Variants in PLXNA2 observed in about 807,000 individuals in gnomAD.
PLXNA2 encodes plexin A2.
In PLXNA2, 91 loss-of-function variants were observed where a neutral mutation model predicts 193.5. The observed-to-expected ratio is 0.47, with a 90% CI of 0.40 to 0.56. The LOEUF (loss-of-function observed/expected upper bound fraction) is 0.56. Ranked by LOEUF, PLXNA2 falls within the 20% of genes least tolerant of loss-of-function variation. The pLI, the probability that PLXNA2 is intolerant of heterozygous loss-of-function variation, is 0.00. For synonymous variants in PLXNA2, 997 were observed against 1,027.3 expected (o/e 0.97, Z 0.56); for missense variants, 1,995 against 2,503.2 (o/e 0.80, Z 4.33).
chr1:208,084,676 C>T (rs1558183868), intron 9 of PLXNA2, 96 bp from the exon 10 acceptor site: 1 of 1,172,934 alleles, frequency 8.5e-7, no homozygotes, highest in Non-Finnish European at 1.2e-6. Context: ...GTGAGCTGCC[C>T]AAGAGCAGGA....
intron 4 of PLXNA2, among the ~76,000 whole-genome samples, chr1:208,126,374 T>TG (rs1207498394): frequency 6.6e-6 from 1 of 152,158 alleles, no homozygotes. Context: ...TTAGCTTGCC[T>TG]GGGGGAATCA....
chr1:208,143,416 G>T (rs965618585), intron 3 of PLXNA2, among the ~76,000 whole-genome samples: 1 of 152,206 alleles, frequency 6.6e-6, no homozygotes, highest in African/African-American at 2.4e-5. Flanking sequence ...TTCCCCAGCT[G>T]ATGCTGATGC....
intron 1 of PLXNA2, among the ~76,000 whole-genome samples, chr1:208,220,664 A>C (rs1354111696): frequency 6.7e-6 from 1 of 150,158 alleles, no homozygotes; most frequent in African/African-American, 2.5e-5. Context: ...CACTGCTCTC[A>C]ATCTCCTGAC....
At chr1:208,212,710 A>C (rs1671002087) in intron 2 of PLXNA2, among the ~76,000 whole-genome samples, 1 of 152,264 alleles carries the variant, frequency 6.6e-6, no homozygotes, top group East Asian at 1.9e-4. Flanking sequence ...CCAGCACACC[A>C]CTGGAGCCAA....
chr1:208,083,505 T>G (rs984349245), intron 10 of PLXNA2, among the ~76,000 whole-genome samples: 2 of 152,046 alleles, frequency 1.3e-5, no homozygotes, highest in African/African-American at 4.8e-5. Context: ...GCCTTCCCCT[T>G]GCGCTTGGCG....
At chr1:208,109,145 G>A (rs922592758) in intron 4 of PLXNA2, among the ~76,000 whole-genome samples, 1 of 152,220 alleles carries the variant, frequency 6.6e-6, no homozygotes, top group African/African-American at 2.4e-5. Flanking sequence ...AGGTGGCAGG[G>A]GTGGGAGGTG....
At position 208,140,021 on chromosome 1, in the gene PLXNA2, C is replaced by T. The variant is rs1668416657; in HGVS notation, c.1506+2308G>A. 3.3e-5 allele frequency among the ~76,000 whole-genome samples: 5 copies of T among 152,184 alleles called. No individual in the cohort carries two copies. The South Asian group carries it at 1.0e-3, about 32-fold the overall frequency. ...TCCCCCTACTAATATTTCACTTGAC[C>T]AGAGGCAGCCCATGGCATGAAACCC... is the stretch of plus-strand genomic sequence containing the variant. On this transcript the variant is annotated intron_variant, in intron 4 of 31. Transcript: ENST00000367033.
chr1:208,199,662 G>C (rs535995994), intron 3 of PLXNA2, among the ~76,000 whole-genome samples: 7 of 150,070 alleles, frequency 4.7e-5, no homozygotes, highest in African/African-American at 1.7e-4. Flanking sequence ...CTGCACTCCA[G>C]CCTGGTGACA....
chr1:208,033,474 G>C lies in PLXNA2; in HGVS notation c.4900C>G (p.Leu1634Val). ...SFRYTGSPDS[L>V]RSRAPMITPD... ...GTGATCATCGGGGCCCGGGACCGCA[G>C]GCTGTCGGGGCTGCCCGTATACCTG... The change falls in exon 28 of 32, where the codon CTG becomes GTG. Residue 1634 changes from leucine (L) to valine (V), a missense_variant. Physicochemically the swap from Leu to Val is conservative, Grantham distance 32. Coordinates refer to ENST00000367033, the MANE Select transcript of PLXNA2 (RefSeq NM_025179.4). 1 of 1,612,936 alleles carries C rather than the reference G, an allele frequency of 6.2e-7. No individual in the cohort carries two copies. The highest frequency in any genetic ancestry group is 1.7e-4 in the Middle Eastern group (1 of 5,812).
At chr1:208,209,056 C>T (rs190437270) in intron 3 of PLXNA2, among the ~76,000 whole-genome samples, 25 of 152,208 alleles carry the variant, frequency 1.6e-4, no homozygotes, top group African/African-American at 5.5e-4. Flanking sequence ...TTCCATGTGC[C>T]GAAAAGCCAA....
intron 3 of PLXNA2, among the ~76,000 whole-genome samples, chr1:208,177,632 G>A (rs1157488155): frequency 6.6e-6 from 1 of 152,216 alleles, no homozygotes; most frequent in Non-Finnish European, 1.5e-5. Flanking sequence ...GTATAATCTG[G>A]TCTAGAGGTG....
intron 3 of PLXNA2, among the ~76,000 whole-genome samples, chr1:208,164,387 A>G (rs899919835): frequency 1.3e-5 from 2 of 152,222 alleles, no homozygotes; most frequent in Non-Finnish European, 2.9e-5. Context: ...TTTGCTCCGC[A>G]TGCCCTAATG....
At chr1:208,107,466 A>G (rs1172793299) in intron 4 of PLXNA2, among the ~76,000 whole-genome samples, 2 of 152,100 alleles carry the variant, frequency 1.3e-5, no homozygotes, top group Non-Finnish European at 2.9e-5. Context: ...GGTTCTAATC[A>G]TTCTGCATCT....
intron 1 of PLXNA2, among the ~76,000 whole-genome samples, chr1:208,228,697 C>T (rs1411886036): frequency 2.0e-5 from 3 of 152,324 alleles, no homozygotes; most frequent in Non-Finnish European, 2.9e-5. Flanking sequence ...TTCTGTCTTT[C>T]TCTAACCTCA....
intron 4 of PLXNA2, among the ~76,000 whole-genome samples, chr1:208,105,671 T>TAAG (rs1667248546): frequency 1.3e-5 from 2 of 152,328 alleles, no homozygotes; most frequent in South Asian, 2.1e-4. Flanking sequence ...GGAGACCTTC[T>TAAG]AGTGTACGTC....
chr1:208,226,840 G>A (rs1671526832), intron 1 of PLXNA2, among the ~76,000 whole-genome samples: 1 of 152,236 alleles, frequency 6.6e-6, no homozygotes, highest in African/African-American at 2.4e-5. Flanking sequence ...CCCTTTGGGG[G>A]AGGGTCAGGA....
At position 208,027,177 on chromosome 1, in the gene PLXNA2, CATCT is replaced by C. The variant is rs1571835719; in HGVS notation, c.*62_*65del. The C allele has an allele frequency of 5.1e-6, 7 of 1,368,242 alleles. No homozygotes were observed. The highest frequency in any genetic ancestry group is 5.2e-6 in the Non-Finnish European group (5 of 964,094). The allele number at this position is 1,368,242 out of a possible 1,614,324, so 84.8% of individuals were successfully genotyped here. A position where few individuals can be genotyped will look rare whatever the true frequency, so the allele number is the denominator to read the frequency against. ...GCCTGATCCCCATCACTTGTCCTTC[CATCT>C]GAGACTCCCAGTGTGACAGCTTGGA... On this transcript the variant is annotated 3_prime_UTR_variant, in exon 32 of 32. Coordinates refer to ENST00000367033, the MANE Select transcript of PLXNA2 (RefSeq NM_025179.4).
At chr1:208,240,746 C>G (rs1433378754) in intron 1 of PLXNA2, among the ~76,000 whole-genome samples, 3 of 129,782 alleles carry the variant, frequency 2.3e-5, no homozygotes, top group African/African-American at 9.1e-5. Context: ...GCTCCAGTCT[C>G]TTTATGATCA....
chr1:208,234,895 G>A (rs1319134620), intron 1 of PLXNA2, among the ~76,000 whole-genome samples: 1 of 152,208 alleles, frequency 6.6e-6, no homozygotes, highest in Non-Finnish European at 1.5e-5. Flanking sequence ...GTGACTCACG[G>A]CAATGCACTT....
Sources: allele counts gnomAD v4.1 joint callset (sites outside exome capture counted in the v4.1 genomes callset), GRCh38; gene constraint gnomAD v4.1.1; transcripts MANE v1.5; gene names NCBI Gene and HGNC (gene_info 2026-07-23, HGNC 2026-07-21).